ST6GALNAC4: variants seen among roughly 807,000 people sequenced by gnomAD.
The protein encoded by ST6GALNAC4 is ST6 N-acetylgalactosaminide alpha-2,6-sialyltransferase 4, also known as alpha-N-acetyl-neuraminyl-2,3-beta-galactosyl-1,3-N-acetyl-galactosaminide alpha-2,6-sialyltransferase.
In ST6GALNAC4, 24 loss-of-function variants were observed where a neutral mutation model predicts 30.4. That is an observed-to-expected ratio of 0.79 (90% CI 0.57 to 1.11). The LOEUF (loss-of-function observed/expected upper bound fraction) is 1.11, where lower values mean the gene tolerates loss of function less well. Among genes scored for constraint, ST6GALNAC4 ranks in the 50% most tolerant of loss-of-function variants. The pLI is 0.00. For synonymous variants in ST6GALNAC4, 156 were observed against 179.7 expected (o/e 0.87, Z 1.05); for missense variants, 365 against 430.1 (o/e 0.85, Z 1.34).
At position 127,908,341 on chromosome 9, in the gene ST6GALNAC4, G is replaced by C; in HGVS notation, c.*51C>G. 6.8e-7 allele frequency: 1 copy of C among 1,460,378 alleles called. No individual in the cohort carries two copies. Among genetic ancestry groups the C allele is most frequent in the Non-Finnish European group, 9.2e-7 (1 of 1,088,888 alleles). The allele number at this position is 1,460,378 out of a possible 1,614,324, so 90.5% of individuals were successfully genotyped here. ...TTGTGGAGTGTGATGGCTTGGGATGGGACATCCCGGAGGCCTCGCAACGGC... is the reference window on the plus strand; with the variant it reads ...TTGTGGAGTGTGATGGCTTGGGATGCGACATCCCGGAGGCCTCGCAACGGC... On this transcript the variant is annotated 3_prime_UTR_variant, in exon 6 of 6. Coordinates refer to ENST00000335791, the MANE Select transcript of ST6GALNAC4 (RefSeq NM_175039.4).
intron 4 of ST6GALNAC4, among the ~76,000 whole-genome samples, chr9:127,910,964 G>A (rs925966160): frequency 6.6e-6 from 1 of 152,234 alleles, no homozygotes; most frequent in Non-Finnish European, 1.5e-5. Context: ...CTTCTGATGG[G>A]GTGGTCAGGG....
chr9:127,910,224 C>A, intron 4 of ST6GALNAC4, 166 bp from the exon 5 acceptor site: 1 of 1,415,240 alleles, frequency 7.1e-7, no homozygotes, highest in Admixed American at 2.7e-5. Context: ...CCAAGGCCAG[C>A]AGTGGGTGAC....
intron 2 of ST6GALNAC4, 147 bp downstream of exon 2, chr9:127,916,261 G>T (rs1490350546): frequency 1.9e-6 from 2 of 1,026,652 alleles, no homozygotes; most frequent in East Asian, 4.7e-5. Context: ...GCAAGAACAG[G>T]GTTGGACTTT....
chr9:127,914,663 T>C lies in ST6GALNAC4; in HGVS notation c.191A>G (p.Asp64Gly). 6.2e-7 allele frequency: 1 copy of C among 1,609,416 alleles called. No individual in the cohort carries two copies. The highest frequency in any genetic ancestry group is 8.5e-7 in the Non-Finnish European group (1 of 1,177,956). The change falls in exon 3 of 6, where the codon GAT (aspartate) becomes GGT (glycine). Residue 64 changes from aspartate to glycine, a missense_variant. Physicochemically the swap from Asp to Gly is moderately conservative, Grantham distance 94. Transcript: ENST00000335791. ...LHFSGYSSVPDGKPLVREPCR... is the reference protein window; with the variant it reads ...LHFSGYSSVPGGKPLVREPCR... Reference sequence around the variant, plus strand: ...ATTGCCTGGCCCACTCACCTTCCCATCTGGCACACTGCTATATCCACTGAA... The same window carrying C: ...ATTGCCTGGCCCACTCACCTTCCCACCTGGCACACTGCTATATCCACTGAA...
chr9:127,910,007 C>T lies in ST6GALNAC4; in HGVS notation c.663G>A (p.Ala221=), dbSNP rs753740641. The change falls in exon 5 of 6, where the codon GCG becomes GCA. Residue 221 remains alanine, a synonymous_variant. Transcript: ENST00000335791. ...LSTGWFTMIL[A]LELCEEIVVY... ...CCACGATCTCCTCACACAGCTCCAG[C>T]GCGAGGATCATGGTGAACCAGCCGG... 6 of 1,613,342 alleles carry T rather than the reference C, an allele frequency of 3.7e-6. No homozygotes were observed. The highest frequency in any genetic ancestry group is 2.2e-5 in the East Asian group (1 of 44,902).
At chr9:127,912,158 G>A (rs987027511) in intron 4 of ST6GALNAC4, 110 bp downstream of exon 4, 7 of 1,379,166 alleles carry the variant, frequency 5.1e-6, no homozygotes, top group African/African-American at 4.4e-5. Flanking sequence ...CTGCCTCCAT[G>A]AGTGCTGACC....
chr9:127,910,101 C>G (rs747186873), intron 4 of ST6GALNAC4, 43 bp from the exon 5 acceptor site: 1 of 1,604,716 alleles, frequency 6.2e-7, no homozygotes, highest in Admixed American at 1.7e-5. Context: ...CAACAAGAGG[C>G]CATGTGGTAG....
chr9:127,914,739 C>T lies in ST6GALNAC4; in HGVS notation c.115G>A (p.Asp39Asn). Reference protein sequence around the residue: ...GLPLCLATCLDHHFPTGSRPT... With the variant: ...GLPLCLATCLNHHFPTGSRPT... Reference sequence around the variant, plus strand: ...CTGGAGCCTGTGGGGAAGTGGTGGTCCAGGCAGGTGGCCAGGCAGAGGGGC... The same window carrying T: ...CTGGAGCCTGTGGGGAAGTGGTGGTTCAGGCAGGTGGCCAGGCAGAGGGGC... Residue 39 changes from aspartate (D) to asparagine (N), a missense_variant, in exon 3 of 6, where the codon GAC (aspartate) becomes AAC (asparagine). Transcript: ENST00000335791. 1 of 1,609,520 alleles carries T rather than the reference C, an allele frequency of 6.2e-7. No homozygotes were observed. The highest frequency in any genetic ancestry group is 8.5e-7 in the Non-Finnish European group (1 of 1,177,888).
At chr9:127,910,667 C>G (rs1480809199) in intron 4 of ST6GALNAC4, 5 of 963,150 alleles carry the variant, frequency 5.2e-6, no homozygotes, top group Admixed American at 6.1e-5. Flanking sequence ...GGCAGCAGCC[C>G]TGGGTACTCT....
At chr9:127,909,285 A>G (rs893661387) in intron 5 of ST6GALNAC4, among the ~76,000 whole-genome samples, 4 of 151,684 alleles carry the variant, frequency 2.6e-5, no homozygotes, top group Non-Finnish European at 5.9e-5. Context: ...GCGACTAGGG[A>G]GGCTGAGGCA....
At position 127,910,031 on chromosome 9, in the gene ST6GALNAC4, G is replaced by C. The variant is rs138532276; in HGVS notation, c.639C>G (p.Thr213=). ...NRRQSGSFLS[T]GWFTMILALE... is the part of the protein sequence containing the mutation. ...GCGCGAGGATCATGGTGAACCAGCC[G>C]GTGCTGAGGAAGGAGCCCGACTGCC... The change falls in exon 5 of 6, where the codon ACC becomes ACG. Residue 213 remains threonine, a synonymous_variant. Coordinates refer to ENST00000335791, the MANE Select transcript of ST6GALNAC4 (RefSeq NM_175039.4). 16 of 1,613,508 alleles carry C rather than the reference G, an allele frequency of 9.9e-6. No homozygotes were observed. Among genetic ancestry groups the C allele is most frequent in the Non-Finnish European group, 1.4e-5 (16 of 1,179,952 alleles).
Position 127,912,437 on chromosome 9 carries a change from A to G in ST6GALNAC4, c.442T>C (p.Tyr148His). 12 of 1,614,110 alleles carry G rather than the reference A, an allele frequency of 7.4e-6. No homozygotes were observed. The highest frequency in any genetic ancestry group is 1.0e-5 in the Non-Finnish European group (12 of 1,179,982). ...TGCCTGCCCTGGCCCCACACCATGT[A>G]GAGCGTGTCTCGGGCCTTCTGGAAG... ...HYFQKARDTL[Y>H]MVWGQGRHMD... Residue 148 changes from tyrosine (Y) to histidine (H), a missense_variant, in exon 4 of 6, where the codon TAC becomes CAC. Tyr to His is a moderately conservative substitution (Grantham distance 83). Transcript: ENST00000335791.
chr9:127,908,594 G>A lies in ST6GALNAC4; in HGVS notation c.720-13C>T, dbSNP rs1220256430. 3.2e-6 allele frequency: 5 copies of A among 1,542,276 alleles called. No individual in the cohort carries two copies. Among genetic ancestry groups the A allele is most frequent in the Non-Finnish European group, 4.4e-6 (5 of 1,130,724 alleles). ...GTGGCTCTTCTCCCTGCGGGGTGGG[G>A]AACAGGGCTGGGGTGGGACAGAACC... is the stretch of plus-strand genomic sequence containing the variant. On this transcript the variant is annotated splice_polypyrimidine_tract_variant and intron_variant, in intron 5 of 5. Coordinates refer to ENST00000335791, the MANE Select transcript of ST6GALNAC4 (RefSeq NM_175039.4).
At position 127,912,528 on chromosome 9, in the gene ST6GALNAC4, C is replaced by T; in HGVS notation, c.351G>A (p.Gln117=). The T allele has an allele frequency of 6.2e-7, 1 of 1,613,810 alleles. No homozygotes were observed. The highest frequency in any genetic ancestry group is 8.5e-7 in the Non-Finnish European group (1 of 1,179,946). The change falls in exon 4 of 6, where the codon CAG becomes CAA. Residue 117 remains glutamine, a synonymous_variant. Coordinates refer to ENST00000335791, the MANE Select transcript of ST6GALNAC4 (RefSeq NM_175039.4). ...GTGAGACGACACGCAGGGTGCTGCG[C>T]TGGCCCACATCCGCCTCAAAGCCCA... ...PTVGFEADVG[Q]RSTLRVVSHT...
chr9:127,910,271 C>T, intron 4 of ST6GALNAC4: 1 of 1,354,438 alleles, frequency 7.4e-7, no homozygotes, highest in African/African-American at 1.5e-5. Flanking sequence ...CTGATCACCT[C>T]CTCAGCACCC....
At chr9:127,914,579 G>C in intron 3 of ST6GALNAC4, 77 bp downstream of exon 3, 1 of 1,373,316 alleles carries the variant, frequency 7.3e-7, no homozygotes, top group Non-Finnish European at 9.7e-7. Flanking sequence ...GTGAGTAGAG[G>C]GGCCAAGCTC....
chr9:127,910,461 C>T, intron 4 of ST6GALNAC4: 3 of 1,026,266 alleles, frequency 2.9e-6, no homozygotes, highest in Non-Finnish European at 3.5e-6. Flanking sequence ...AAGGATCTTC[C>T]ACTTGAACCC....
At chr9:127,910,323 A>G (rs1831048929) in intron 4 of ST6GALNAC4, 1 of 1,240,824 alleles carries the variant, frequency 8.1e-7, no homozygotes, top group Non-Finnish European at 1.0e-6. Context: ...GGTTTGAGCA[A>G]ACCCCTGGAT....
rs1409111415 is a variant in ST6GALNAC4 at position 127,910,064 on chromosome 9, G to T, written c.612-6C>A. On this transcript the variant is annotated splice_polypyrimidine_tract_variant and splice_region_variant and intron_variant, in intron 4 of 5. Coordinates refer to ENST00000335791, the MANE Select transcript of ST6GALNAC4 (RefSeq NM_175039.4). ...GGAAGGAGCCCGACTGCCTCCTGGG[G>T]GTGGCGGGGGGACAGGGGGACGCTG... The T allele has an allele frequency of 6.2e-7, 1 of 1,612,920 alleles. No individual in the cohort carries two copies. Among genetic ancestry groups the T allele is most frequent in the Non-Finnish European group, 8.5e-7 (1 of 1,179,730 alleles).
Sources: gnomAD v4.1 joint callset for allele counts (sites outside exome capture counted in the v4.1 genomes callset) on GRCh38, gnomAD v4.1.1 for gene constraint, MANE v1.5 for transcripts, NCBI Gene and HGNC (gene_info 2026-07-23, HGNC 2026-07-21) for gene names.